Variants in DMD observed in about 807,000 individuals in gnomAD.
The protein encoded by DMD is mutant dystrophin.
Under a neutral mutation model 330.1 loss-of-function variants are expected in DMD, and 63 were observed. The ratio of observed to expected loss-of-function variants is 0.19; its 90% confidence interval spans 0.16 to 0.24. DMD has a LOEUF of 0.24. Among genes scored for constraint, DMD ranks in the 10% least tolerant of loss-of-function variants. DMD has a pLI of 1.00. For synonymous variants in DMD, 1,223 were observed against 959.8 expected (o/e 1.27, Z -5.07); for missense variants, 3,344 against 2,684.1 (o/e 1.25, Z -5.43).
chrX:31,550,437 C>A (rs1268286859), intron 55 of DMD, among the ~76,000 whole-genome samples: 1 of 111,885 alleles, frequency 8.9e-6, no homozygotes, highest in African/African-American at 3.3e-5. Context: ...TTTATCAACA[C>A]AAAGAGTTTT....
chrX:32,763,032 T>C (rs745778113), intron 7 of DMD, among the ~76,000 whole-genome samples: 5 of 111,124 alleles, frequency 4.5e-5, no homozygotes, highest in Non-Finnish European at 7.6e-5. Flanking sequence ...TCAGTTGACC[T>C]TATTTCTCCT....
chrX:31,212,861 A>G (rs779695018), intron 64 of DMD, among the ~76,000 whole-genome samples: 2 of 112,155 alleles, frequency 1.8e-5, no homozygotes, highest in Non-Finnish European at 3.8e-5. Context: ...TTCCATGCTA[A>G]TGACAACAGT....
At chrX:31,922,737 T>C (rs186294768) in intron 47 of DMD, among the ~76,000 whole-genome samples, 41 of 111,479 alleles carry the variant, frequency 3.7e-4, no homozygotes, top group African/African-American at 1.2e-3. Context: ...GATTTGAGAG[T>C]AGAGAAAAAA....
At position 32,361,829 on chromosome X, in the gene DMD, T is replaced by G. The variant is rs983998401; in HGVS notation, c.5325+959A>C. Among the ~76,000 whole-genome samples, 5 of 111,666 alleles carry G rather than the reference T, an allele frequency of 4.5e-5. No individual in the cohort carries two copies. In the East Asian group the frequency reaches 1.4e-3, roughly 31 times the overall value. ...TCTCATAAATACTCCAATGTTTTTT[T>G]CATTTCAGATTATTTCTAACAATTA... On this transcript the variant is annotated intron_variant, in intron 37 of 78. Coordinates refer to ENST00000357033, the MANE Select transcript of DMD (RefSeq NM_004006.3).
chrX:33,034,912 G>A (rs767267619), intron 1 of DMD, among the ~76,000 whole-genome samples: 1 of 111,991 alleles, frequency 8.9e-6, no homozygotes, highest in Non-Finnish European at 1.9e-5. Context: ...GGCATAGAAA[G>A]TGTCTGGCCC....
At chrX:32,230,225 GTTTT>G (rs59115983) in intron 43 of DMD, among the ~76,000 whole-genome samples, 14 of 109,797 alleles carry the variant, frequency 1.3e-4, no homozygotes, top group African/African-American at 4.8e-4. Context: ...AAGAAACATG[GTTTT>G]TTTTGTTTTG....
intron 7 of DMD, among the ~76,000 whole-genome samples, chrX:32,774,163 T>C (rs767093807): frequency 3.6e-5 from 4 of 112,242 alleles, no homozygotes; most frequent in South Asian, 7.4e-4. Context: ...GGTTCCACGA[T>C]TGTAATATAA....
intron 42 of DMD, among the ~76,000 whole-genome samples, chrX:32,308,757 C>T (rs959666884): frequency 9.0e-6 from 1 of 110,630 alleles, no homozygotes; most frequent in Non-Finnish European, 1.9e-5. Flanking sequence ...GGTATGGAGA[C>T]AGAGTTATTC....
rs146016559 is a variant in DMD, at chrX:31,620,509, C to T, written c.8217+7164G>A. Among the ~76,000 whole-genome samples, 194 of 107,075 alleles carry T rather than the reference C, an allele frequency of 1.8e-3. 1 individual carries two copies. The highest frequency in any genetic ancestry group is 6.2e-3 in the African/African-American group (180 of 29,200). The allele number at this position is 107,075 out of a possible 115,157, so 93.0% of individuals were successfully genotyped here. ...AGCTCACTGCATCCTCTGCCTCCTA[C>T]GTTCAAGCGATTCTCCTGCCTCTGC... On this transcript the variant is annotated intron_variant, in intron 55 of 78. Coordinates refer to ENST00000357033, the MANE Select transcript of DMD (RefSeq NM_004006.3).
intron 2 of DMD, among the ~76,000 whole-genome samples, chrX:32,866,773 G>A (rs1340280527): frequency 3.0e-5 from 3 of 99,746 alleles, no homozygotes; most frequent in South Asian, 5.0e-4. Flanking sequence ...TCACTCTTTC[G>A]CCCAGCCTGC....
intron 1 of DMD, among the ~76,000 whole-genome samples, chrX:33,170,016 T>C (rs1299995896): frequency 9.0e-6 from 1 of 111,488 alleles, no homozygotes; most frequent in Non-Finnish European, 1.9e-5. Flanking sequence ...CATTGGCTAA[T>C]GCCCAGGGCA....
chrX:33,189,736 A>AC, intron 1 of DMD, among the ~76,000 whole-genome samples: 1 of 111,416 alleles, frequency 9.0e-6, no homozygotes, highest in East Asian at 2.8e-4. Flanking sequence ...TGATAACATG[A>AC]CCTTACATAC....
At chrX:33,248,882 C>T (rs2052716724) in intron 1 of DMD, among the ~76,000 whole-genome samples, 1 of 112,084 alleles carries the variant, frequency 8.9e-6, no homozygotes. Context: ...CTTAAAAAAT[C>T]AACAATTTGA....
intron 49 of DMD, among the ~76,000 whole-genome samples, chrX:31,832,680 G>C (rs183283707): frequency 2.2e-4 from 25 of 112,192 alleles, no homozygotes; most frequent in African/African-American, 8.1e-4. Flanking sequence ...CATATTACTA[G>C]GTTTGTGTAA....
At chrX:31,367,851 C>A (rs1164757128) in intron 60 of DMD, among the ~76,000 whole-genome samples, 1 of 111,769 alleles carries the variant, frequency 8.9e-6, no homozygotes, top group Admixed American at 9.5e-5. Flanking sequence ...CAAAGCCTAT[C>A]CTGCTTTGAA....
rs763358609 is a variant in DMD at position 32,752,675 on chromosome X, G to A, written c.650-53382C>T. Among the ~76,000 whole-genome samples the A allele has an allele frequency of 6.5e-5, 7 of 108,027 alleles. No individual in the cohort carries two copies. The South Asian group carries it at 2.5e-3, about 39-fold the overall frequency. The allele number at this position is 108,027 out of a possible 115,157, so 93.8% of individuals were successfully genotyped here. On this transcript the variant is annotated intron_variant, in intron 7 of 78. Coordinates refer to ENST00000357033, the MANE Select transcript of DMD (RefSeq NM_004006.3). ...ATGAGATTTGGGAGGGGCCGGGGGTGGAATGATATGGTTTGGCTGAGTCCC... is the reference window on the plus strand; with the variant it reads ...ATGAGATTTGGGAGGGGCCGGGGGTAGAATGATATGGTTTGGCTGAGTCCC...
chrX:32,815,309 A>C (rs1285794285), intron 6 of DMD, among the ~76,000 whole-genome samples: 4 of 105,664 alleles, frequency 3.8e-5, no homozygotes, highest in African/African-American at 1.4e-4. Context: ...AGTGGTCAAA[A>C]AAAAAAAAAA....
At chrX:31,720,522 T>A (rs191866379) in intron 52 of DMD, among the ~76,000 whole-genome samples, 154 of 112,090 alleles carry the variant, frequency 1.4e-3, no homozygotes, top group African/African-American at 4.8e-3. Flanking sequence ...TATCTCTTTC[T>A]GGGCTCATCT....
At chrX:32,858,850 T>C (rs902233251) in intron 2 of DMD, among the ~76,000 whole-genome samples, 12 of 111,256 alleles carry the variant, frequency 1.1e-4, no homozygotes, top group Non-Finnish European at 1.9e-4. Context: ...TGCAACTTAC[T>C]CTATAGAATT....
Sources: gnomAD v4.1 joint callset for allele counts (sites outside exome capture counted in the v4.1 genomes callset) on GRCh38, gnomAD v4.1.1 for gene constraint, MANE v1.5 for transcripts, NCBI Gene and HGNC (gene_info 2026-07-23, HGNC 2026-07-21) for gene names.